LARP4B: variants seen among roughly 807,000 people sequenced by gnomAD.
LARP4B encodes la-related protein 4B.
Under a neutral mutation model 89.8 loss-of-function variants are expected in LARP4B, and 12 were observed. That is an observed-to-expected ratio of 0.13 (90% CI 0.09 to 0.22). The LOEUF is 0.22. LARP4B is among the 10% of genes least tolerant of loss of function. The probability of loss-of-function intolerance (pLI) is 1.00; values close to 1 mark genes in which losing one functional copy is unlikely to be tolerated. For synonymous variants in LARP4B, 367 were observed against 363.3 expected, an observed-to-expected ratio of 1.01 and a Z score of -0.12; for missense variants, 757 against 947.7, an observed-to-expected ratio of 0.80 and a Z score of 2.64.
intron 9 of LARP4B, among the ~76,000 whole-genome samples, chr10:830,412 G>A (rs569235734): frequency 3.3e-5 from 5 of 152,148 alleles, no homozygotes; most frequent in Non-Finnish European, 5.9e-5. Context: ...TAATATGTGC[G>A]TTAGTTTCCT....
chr10:977,483 G>A, the LARP4B span, among the ~76,000 whole-genome samples: 14 of 151,580 alleles, frequency 9.2e-5, no homozygotes, highest in African/African-American at 3.2e-4. Flanking sequence ...AGGCTGCAGT[G>A]AGCCAAGATA....
chr10:967,715 G>A, the LARP4B span, among the ~76,000 whole-genome samples: 6 of 152,284 alleles, frequency 3.9e-5, no homozygotes, highest in East Asian at 1.9e-4. Flanking sequence ...GAGGAATGCC[G>A]GGAATTCCGT....
chr10:936,460 C>A (rs2132086724), upstream of LARP4B, among the ~76,000 whole-genome samples: 1 of 152,292 alleles, frequency 6.6e-6, no homozygotes, highest in South Asian at 2.1e-4. Flanking sequence ...TAGCTCAAAC[C>A]TATAATCCCA....
At chr10:973,964 C>G in the LARP4B span, among the ~76,000 whole-genome samples, 1 of 152,110 alleles carries the variant, frequency 6.6e-6, no homozygotes, top group African/African-American at 2.4e-5. Context: ...GTGGGAATAA[C>G]CTTAGGAAGT....
At chr10:847,542 G>A (rs1162937678) in intron 5 of LARP4B, among the ~76,000 whole-genome samples, 1 of 150,080 alleles carries the variant, frequency 6.7e-6, no homozygotes, top group African/African-American at 2.5e-5. Flanking sequence ...TTTTTGAGAC[G>A]GAGCCTTGCT....
intron 1 of LARP4B, among the ~76,000 whole-genome samples, chr10:916,130 T>G (rs1029353165): frequency 6.6e-6 from 1 of 152,200 alleles, no homozygotes; most frequent in Non-Finnish European, 1.5e-5. Context: ...TATTAATGTG[T>G]GTTCCAACGT....
rs957358078 is a variant in LARP4B at position 815,077 on chromosome 10, C to T, written c.1696-7G>A. The T allele has an allele frequency of 5.8e-6, 9 of 1,563,570 alleles. No homozygotes were observed. Among genetic ancestry groups the T allele is most frequent in the Non-Finnish European group, 7.8e-6 (9 of 1,152,782 alleles). On this transcript the variant is annotated splice_polypyrimidine_tract_variant and splice_region_variant and intron_variant, in intron 15 of 17. Coordinates refer to ENST00000316157, the MANE Select transcript of LARP4B (RefSeq NM_015155.3). ...TTGCGTCTGCACTGAGGGTCTGAAA[C>T]AGGGTCAAGAGTGTTCATCAGAGTC...
At chr10:978,645 T>C in the LARP4B span, among the ~76,000 whole-genome samples, 13 of 152,212 alleles carry the variant, frequency 8.5e-5, no homozygotes. Flanking sequence ...GTTCTGAAAG[T>C]AGGACCTAGA....
At chr10:823,196 A>C (rs926081650) in intron 13 of LARP4B, among the ~76,000 whole-genome samples, 1 of 151,804 alleles carries the variant, frequency 6.6e-6, no homozygotes, top group African/African-American at 2.4e-5. Context: ...CCACTCCCTA[A>C]ACCACTGGTG....
intron 5 of LARP4B, among the ~76,000 whole-genome samples, chr10:855,593 CAA>C (rs963227378): frequency 2.6e-5 from 4 of 152,070 alleles, no homozygotes; most frequent in African/African-American, 7.2e-5. Flanking sequence ...CACCCCAAAA[CAA>C]TGGCAGTAGT....
intron 1 of LARP4B, among the ~76,000 whole-genome samples, chr10:894,344 GC>G (rs1355614486): frequency 6.6e-6 from 1 of 152,158 alleles, no homozygotes; most frequent in Non-Finnish European, 1.5e-5. Flanking sequence ...CCAGCACAAA[GC>G]CATCATCTAA....
At chr10:885,881 T>A in intron 1 of LARP4B, 121 bp from the exon 2 acceptor site, 1 of 530,128 alleles carries the variant, frequency 1.9e-6, no homozygotes. Flanking sequence ...CAAAAAAGTT[T>A]AAAGAAGTCT....
chr10:916,729 G>A (rs1314736080), intron 1 of LARP4B, among the ~76,000 whole-genome samples: 1 of 152,138 alleles, frequency 6.6e-6, no homozygotes. Flanking sequence ...ACAAGGTCTT[G>A]CTCTGTTGTG....
the LARP4B span, among the ~76,000 whole-genome samples, chr10:966,280 C>G: frequency 2.0e-5 from 3 of 151,996 alleles, no homozygotes; most frequent in Non-Finnish European, 4.4e-5. Flanking sequence ...CATAGTGAGA[C>G]CCCATCTCTA....
At chr10:818,174 C>A in intron 14 of LARP4B, 1 of 291,692 alleles carries the variant, frequency 3.4e-6, no homozygotes, top group Non-Finnish European at 6.4e-6. Context: ...TGCCAGCACT[C>A]ACGAACAGCA....
chr10:948,373 A>C, the LARP4B span, among the ~76,000 whole-genome samples: 10 of 152,104 alleles, frequency 6.6e-5, no homozygotes, highest in African/African-American at 2.4e-4. Flanking sequence ...TAGCCTCCCA[A>C]GTAGCTGGGA....
chr10:853,636 A>T (rs1351226413), intron 5 of LARP4B, among the ~76,000 whole-genome samples: 1 of 152,248 alleles, frequency 6.6e-6, no homozygotes, highest in Non-Finnish European at 1.5e-5. Context: ...ATGAGCTGTG[A>T]TCATGCCACT....
chr10:877,280 C>G (rs1198896245), intron 3 of LARP4B, among the ~76,000 whole-genome samples: 1 of 152,124 alleles, frequency 6.6e-6, no homozygotes, highest in East Asian at 1.9e-4. Context: ...ACTTGGGAGG[C>G]TGAGGTAGGA....
At chr10:938,414 C>A in the LARP4B span, among the ~76,000 whole-genome samples, 1 of 152,062 alleles carries the variant, frequency 6.6e-6, no homozygotes, top group South Asian at 2.1e-4. Flanking sequence ...CCACGCCCGG[C>A]TAATTTTTGT....
Sources: gnomAD v4.1 joint callset for allele counts (sites outside exome capture counted in the v4.1 genomes callset) on GRCh38, gnomAD v4.1.1 for gene constraint, MANE v1.5 for transcripts, NCBI Gene and HGNC (gene_info 2026-07-23, HGNC 2026-07-21) for gene names.